DLGAP1: variants seen among roughly 807,000 people sequenced by gnomAD.
DLGAP1 encodes DLG associated protein 1.
In DLGAP1, 11 loss-of-function variants were observed where a neutral mutation model predicts 90.8. The ratio of observed to expected loss-of-function variants is 0.12; its 90% CI spans 0.08 to 0.20. DLGAP1 has a LOEUF of 0.20. DLGAP1 is among the 10% of genes least tolerant of loss of function. The pLI is 1.00. For synonymous variants in DLGAP1, 558 were observed against 540.7 expected (o/e 1.03, Z -0.44); for missense variants, 1,050 against 1,333.8 (o/e 0.79, Z 3.31).
chr18:3,873,591 A>T (rs1275863295), intron 4 of DLGAP1, among the ~76,000 whole-genome samples: 1 of 152,166 alleles, frequency 6.6e-6, no homozygotes, highest in Non-Finnish European at 1.5e-5. Context: ...CTAACACAAG[A>T]GGGAGGAAAA....
chr18:4,266,560 A>T (rs2079135601), intron 1 of DLGAP1, among the ~76,000 whole-genome samples: 1 of 152,180 alleles, frequency 6.6e-6, no homozygotes, highest in South Asian at 2.1e-4. Context: ...TATTTCCCTG[A>T]TTAGCAGGCA....
chr18:4,140,822 A>T (rs1353714765), intron 2 of DLGAP1, among the ~76,000 whole-genome samples: 1 of 151,892 alleles, frequency 6.6e-6, no homozygotes, highest in Admixed American at 6.6e-5. Flanking sequence ...TAGAATAAAA[A>T]TATTTTTCCT....
intron 3 of DLGAP1, among the ~76,000 whole-genome samples, chr18:3,988,466 T>C (rs1170363943): frequency 1.3e-5 from 2 of 152,132 alleles, no homozygotes; most frequent in Non-Finnish European, 2.9e-5. Context: ...CACTCCCCAG[T>C]GATTGCATCA....
At chr18:3,816,264 T>C (rs2148448548) in intron 4 of DLGAP1, among the ~76,000 whole-genome samples, 1 of 152,322 alleles carries the variant, frequency 6.6e-6, no homozygotes, top group Non-Finnish European at 1.5e-5. Flanking sequence ...ATCAAAATTA[T>C]ATTAATCAAA....
At chr18:4,023,716 G>A (rs1288648327) in intron 2 of DLGAP1, among the ~76,000 whole-genome samples, 1 of 152,056 alleles carries the variant, frequency 6.6e-6, no homozygotes, top group South Asian at 2.1e-4. Flanking sequence ...CATGGCTGTA[G>A]GTGTCATCTA....
At chr18:4,402,753 C>T (rs1180867389) in intron 1 of DLGAP1, among the ~76,000 whole-genome samples, 1 of 152,076 alleles carries the variant, frequency 6.6e-6, no homozygotes, top group African/African-American at 2.4e-5. Flanking sequence ...CCATTAGAGT[C>T]CATAATGTTA....
chr18:4,080,217 G>A (rs2075585901), intron 2 of DLGAP1, among the ~76,000 whole-genome samples: 1 of 152,120 alleles, frequency 6.6e-6, no homozygotes. Flanking sequence ...GGGGAACCAT[G>A]ATTTAATGTT....
intron 10 of DLGAP1, among the ~76,000 whole-genome samples, chr18:3,532,083 G>T (rs982900602): frequency 6.6e-6 from 1 of 151,912 alleles, no homozygotes; most frequent in Non-Finnish European, 1.5e-5. Flanking sequence ...TTGAACTCCT[G>T]ACCTCAAGCG....
At chr18:3,672,201 G>GAC (rs3223621) in intron 7 of DLGAP1, among the ~76,000 whole-genome samples, 28,729 of 143,390 alleles carry the variant, frequency 0.2, 3,194 homozygotes, top group Non-Finnish European at 0.26. Flanking sequence ...CTGCTGATTA[G>GAC]ACACACACAC....
intron 8 of DLGAP1, among the ~76,000 whole-genome samples, chr18:3,573,311 G>A (rs651040): frequency 0.6 from 90,734 of 151,876 alleles, 27,687 homozygotes; most frequent in East Asian, 0.99. Context: ...AGACCAGCCT[G>A]GCCAACATGG....
chr18:3,756,785 T>C (rs539178182), intron 5 of DLGAP1, among the ~76,000 whole-genome samples: 1 of 151,588 alleles, frequency 6.6e-6, no homozygotes, highest in African/African-American at 2.4e-5. Context: ...ATGACTGACA[T>C]CAGAAAGTAA....
At chr18:4,329,975 A>T (rs994979646) in intron 1 of DLGAP1, among the ~76,000 whole-genome samples, 1 of 151,974 alleles carries the variant, frequency 6.6e-6, no homozygotes, top group Non-Finnish European at 1.5e-5. Context: ...TGTTTCATAG[A>T]AATCATCAGT....
intron 1 of DLGAP1, among the ~76,000 whole-genome samples, chr18:4,185,346 T>C (rs2077274665): frequency 6.6e-6 from 1 of 152,010 alleles, no homozygotes; most frequent in African/African-American, 2.4e-5. Flanking sequence ...TGGGGGTTTG[T>C]TGTACAGATT....
intron 9 of DLGAP1, among the ~76,000 whole-genome samples, chr18:3,540,469 C>CAAAAAAAAAAAAAAAAA (rs60740209): frequency 1.7e-5 from 1 of 58,018 alleles, no homozygotes; most frequent in African/African-American, 6.8e-5. Flanking sequence ...GGCCCTGTGT[C>CAAAAAAAAAAAAAAAAA]AAAAAAAAAA....
intron 1 of DLGAP1, among the ~76,000 whole-genome samples, chr18:4,179,753 G>A (rs1162442969): frequency 6.6e-6 from 1 of 152,086 alleles, no homozygotes; most frequent in Non-Finnish European, 1.5e-5. Flanking sequence ...TCTATTTTAA[G>A]TACATGAATC....
At chr18:4,182,342 G>C (rs570846736) in intron 1 of DLGAP1, among the ~76,000 whole-genome samples, 160 of 152,190 alleles carry the variant, frequency 1.1e-3, no homozygotes, top group Admixed American at 3.5e-3. Context: ...AAAGAACAAA[G>C]GTTAACCACT....
chr18:4,073,431 G>A (rs1490678332), intron 2 of DLGAP1, among the ~76,000 whole-genome samples: 2 of 152,100 alleles, frequency 1.3e-5, no homozygotes, highest in East Asian at 1.9e-4. Flanking sequence ...TCAACAGCAC[G>A]TTCTTCCAGA....
chr18:3,879,885 T>C lies in DLGAP1; in HGVS notation c.184A>G (p.Ser62Gly). 1 of 1,611,626 alleles carries C rather than the reference T, an allele frequency of 6.2e-7. No homozygotes were observed. The highest frequency in any genetic ancestry group is 8.5e-7 in the Non-Finnish European group (1 of 1,179,602). The change falls in exon 4 of 13, where the codon AGC becomes GGC. Residue 62 changes from serine to glycine, a missense_variant. Coordinates refer to ENST00000315677, the MANE Select transcript of DLGAP1 (RefSeq NM_004746.4). This position sits in a 1 kb window ranked among gnomAD's most constrained non-coding sequence, Gnocchi z 6.6. ...AAGGTGCTGCTGGCCAGCGGGTCGCTGAAGGGGCCCACGCACTCAGCCTGG... is the reference window on the plus strand; with the variant it reads ...AAGGTGCTGCTGGCCAGCGGGTCGCCGAAGGGGCCCACGCACTCAGCCTGG... The part of the protein sequence containing the change: ...SFQAECVGPF[S>G]DPLASSTFPR...
At position 4,099,345 on chromosome 18, in the gene DLGAP1, A is replaced by ATCTATCTATCTGTCTG. The variant is rs1185423870; in HGVS notation, c.-159+51834_-159+51835insCAGACAGATAGATAGA. Among the ~76,000 whole-genome samples, 8 of 73,072 alleles carry ATCTATCTATCTGTCTG rather than the reference A, an allele frequency of 1.1e-4. No homozygotes were observed. In the South Asian group the frequency reaches 1.3e-3, roughly 12 times the overall value. 47.9% of individuals were successfully genotyped at this position (73,072 alleles called of 152,430 possible). On this transcript the variant is annotated intron_variant, in intron 2 of 12. Transcript: ENST00000315677. ...TATCTATCTATCTATCTATCTATCT[A>ATCTATCTATCTGTCTG]TCTGTCTGTCTGTCTATCTTTTTAC...
Sources: allele counts gnomAD v4.1 joint callset (sites outside exome capture counted in the v4.1 genomes callset), GRCh38; gene constraint gnomAD v4.1.1; non-coding constraint Gnocchi (gnomAD v3.1); transcripts MANE v1.5; gene names NCBI Gene and HGNC (gene_info 2026-07-23, HGNC 2026-07-21).